The following EGLN3 variants were observed in gnomAD, a reference collection of about 807,000 sequenced individuals.
EGLN3 encodes the protein egl-9 family hypoxia inducible factor 3.
In EGLN3, 15 loss-of-function variants were observed where a neutral mutation model predicts 26.0. The ratio of observed to expected loss-of-function variants is 0.58; its 90% CI spans 0.39 to 0.89. The LOEUF (loss-of-function observed/expected upper bound fraction) is 0.89, where lower values mean the gene tolerates loss of function less well. Ranked by LOEUF, EGLN3 falls within the 40% of genes least tolerant of loss-of-function variation. The pLI is 0.00. For synonymous variants in EGLN3, 147 were observed against 127.2 expected, an observed-to-expected ratio of 1.16 and a Z score of -1.05; for missense variants, 238 against 311.6, an observed-to-expected ratio of 0.76 and a Z score of 1.78.
At chr14:33,944,427 C>T (rs1481511743) in intron 1 of EGLN3, among the ~76,000 whole-genome samples, 2 of 152,128 alleles carry the variant, frequency 1.3e-5, no homozygotes, top group African/African-American at 2.4e-5. Flanking sequence ...GCCACCCTTT[C>T]TCTATTAAAG....
intron 1 of EGLN3, 76 bp downstream of exon 1, chr14:33,950,320 A>G (rs771523777): frequency 1.5e-6 from 2 of 1,341,810 alleles, no homozygotes; most frequent in Admixed American, 3.4e-5. Context: ...GGCCCTGGGA[A>G]GTCGACATAC....
chr14:33,931,818 C>T (rs994014928), intron 1 of EGLN3, among the ~76,000 whole-genome samples: 25 of 152,130 alleles, frequency 1.6e-4, no homozygotes, highest in Non-Finnish European at 3.2e-4. Context: ...CAGGGAGATT[C>T]CTTTCAGGAA....
chr14:33,927,531 G>A (rs1030305004), intron 3 of EGLN3, among the ~76,000 whole-genome samples: 10 of 152,100 alleles, frequency 6.6e-5, no homozygotes, highest in African/African-American at 2.4e-4. Context: ...AAATGCATAA[G>A]GAATTCCAGG....
rs2064558774 is a variant in EGLN3 at position 33,951,042 on chromosome 14, A to T, written c.-290T>A. ...AGGAGTCGGAGGGCGCCTTTTGGGG[A>T]TGGGAAGCCACCACTGCCGCGACTG... On this transcript the variant is annotated 5_prime_UTR_variant, in exon 1 of 5. Transcript: ENST00000250457. The T allele has an allele frequency of 5.3e-6, 2 of 374,328 alleles. No individual in the cohort carries two copies. The highest frequency in any genetic ancestry group is 9.6e-6 in the Non-Finnish European group (2 of 208,750). 23.2% of individuals were successfully genotyped at this position (374,328 alleles called of 1,614,324 possible). A position where few individuals can be genotyped will look rare whatever the true frequency, so the allele number is the denominator to read the frequency against.
In EGLN3 at chr14:33,924,941, T is replaced by TAAAAAAAAAAAA. The variant is rs35754061; in HGVS notation, c.*938_*949dup. On this transcript the variant is annotated 3_prime_UTR_variant, in exon 5 of 5. Coordinates refer to ENST00000250457, the MANE Select transcript of EGLN3 (RefSeq NM_022073.4). The stretch of plus-strand genomic sequence containing the variant: ...GGGTGAGCTCATTAAAAAGGAAAAC[T>TAAAAAAAAAAAA]AAAAAAAAAAAAAAAAAAAAAACAG... 2 of 103,352 alleles carry TAAAAAAAAAAAA rather than the reference T, an allele frequency of 1.9e-5. No homozygotes were observed. The highest frequency in any genetic ancestry group is 3.2e-4 in the East Asian group (1 of 3,124). The allele number at this position is 103,352 out of a possible 1,614,324, so 6.4% of individuals were successfully genotyped here.
chr14:33,942,838 TC>T (rs1176851630), intron 1 of EGLN3, among the ~76,000 whole-genome samples: 1 of 152,210 alleles, frequency 6.6e-6, no homozygotes, highest in African/African-American at 2.4e-5. Flanking sequence ...AACTTGAGAA[TC>T]ATTGTACCTT....
intron 1 of EGLN3, among the ~76,000 whole-genome samples, chr14:33,940,469 G>T (rs2064474649): frequency 6.6e-6 from 1 of 151,914 alleles, no homozygotes; most frequent in Admixed American, 6.5e-5. Context: ...ACTGTAGGAA[G>T]ATACGCCACC....
In EGLN3 at chr14:33,950,815, G is replaced by C. The variant is rs993817484; in HGVS notation, c.-63C>G. ...CAACCAGAGAGGGAACGATCTACACGAGCGCGAAGCCGAGGCGCGGGGAGC... is the reference window on the plus strand; with the variant it reads ...CAACCAGAGAGGGAACGATCTACACCAGCGCGAAGCCGAGGCGCGGGGAGC... On this transcript the variant is annotated 5_prime_UTR_variant, in exon 1 of 5. Coordinates refer to ENST00000250457, the MANE Select transcript of EGLN3 (RefSeq NM_022073.4). 6.9e-6 allele frequency: 10 copies of C among 1,447,510 alleles called. No individual in the cohort carries two copies. Among genetic ancestry groups the C allele is most frequent in the Middle Eastern group, 2.0e-4 (1 of 5,000 alleles). 89.7% of individuals were successfully genotyped at this position (1,447,510 alleles called of 1,614,324 possible).
rs2064555839 is a variant in EGLN3, at chr14:33,950,806, G to A, written c.-54C>T. On this transcript the variant is annotated 5_prime_UTR_variant, in exon 1 of 5. Coordinates refer to ENST00000250457, the MANE Select transcript of EGLN3 (RefSeq NM_022073.4). The stretch of plus-strand genomic sequence containing the variant: ...CCCAGCGTGCAACCAGAGAGGGAAC[G>A]ATCTACACGAGCGCGAAGCCGAGGC... 6.8e-7 allele frequency: 1 copy of A among 1,477,950 alleles called. No homozygotes were observed. The highest frequency in any genetic ancestry group is 9.2e-7 in the Non-Finnish European group (1 of 1,085,430). 91.6% of individuals were successfully genotyped at this position (1,477,950 alleles called of 1,614,324 possible).
At chr14:33,947,673 A>G (rs2064527317) in intron 1 of EGLN3, among the ~76,000 whole-genome samples, 1 of 152,212 alleles carries the variant, frequency 6.6e-6, no homozygotes, top group Non-Finnish European at 1.5e-5. Flanking sequence ...CATATTGGCA[A>G]TTGTTGAAAT....
chr14:33,932,666 C>A (rs1444797781), intron 1 of EGLN3, among the ~76,000 whole-genome samples: 1 of 152,162 alleles, frequency 6.6e-6, no homozygotes, highest in African/African-American at 2.4e-5. Context: ...CCATATCCTG[C>A]CTTTGAACAT....
chr14:33,936,633 T>C (rs1250170419), intron 1 of EGLN3, among the ~76,000 whole-genome samples: 2 of 152,176 alleles, frequency 1.3e-5, no homozygotes, highest in East Asian at 1.9e-4. Flanking sequence ...AGGGGATTAG[T>C]AGCTGGAACA....
At chr14:33,947,341 T>A (rs2064525148) in intron 1 of EGLN3, among the ~76,000 whole-genome samples, 1 of 151,956 alleles carries the variant, frequency 6.6e-6, no homozygotes, top group Admixed American at 6.6e-5. Flanking sequence ...TCCCAAGGGG[T>A]CTTCAACACC....
chr14:33,927,987 G>T (rs1423105484), intron 3 of EGLN3, among the ~76,000 whole-genome samples: 2 of 151,826 alleles, frequency 1.3e-5, no homozygotes, highest in Non-Finnish European at 2.9e-5. Flanking sequence ...ATGATTGTTA[G>T]CTACTTCCGT....
chr14:33,950,488 C>T lies in EGLN3; in HGVS notation c.265G>A (p.Glu89Lys). The stretch of plus-strand genomic sequence containing the variant: ...AGGGACAGGAGGAAGCTGATGGCCT[C>T]GCAGCCCTCCTCGTTGCCCCCGATC... ...TWIGGNEEGCEAISFLLSLID... is the reference protein window; with the variant it reads ...TWIGGNEEGCKAISFLLSLID... Residue 89 changes from glutamate (E) to lysine (K), a missense_variant, in exon 1 of 5, where the codon GAG becomes AAG. Transcript: ENST00000250457. The T allele has an allele frequency of 6.2e-7, 1 of 1,613,674 alleles. No individual in the cohort carries two copies.
Position 33,950,624 on chromosome 14 carries a change from G to A in EGLN3, c.129C>T (p.Val43=). The A allele has an allele frequency of 6.2e-7, 1 of 1,613,882 alleles. No individual in the cohort carries two copies. The highest frequency in any genetic ancestry group is 8.5e-7 in the Non-Finnish European group (1 of 1,179,962). The change falls in exon 1 of 5, where the codon GTC becomes GTT. Residue 43 remains valine, a synonymous_variant. Transcript: ENST00000250457. ...NFLGEVVGDC[V]LERVKQLHCT... ...AGTGCAGCTGCTTGACGCGCTCCAG[G>A]ACGCAGTCGCCCACCACCTCGCCCA...
intron 1 of EGLN3, among the ~76,000 whole-genome samples, chr14:33,943,112 T>C (rs1211527613): frequency 6.6e-6 from 1 of 152,110 alleles, no homozygotes; most frequent in Non-Finnish European, 1.5e-5. Flanking sequence ...TTAAAGTAAA[T>C]GTCATACCGG....
In EGLN3 at chr14:33,925,889, G is replaced by T; in HGVS notation, c.*2C>A. 1 of 1,613,988 alleles carries T rather than the reference G, an allele frequency of 6.2e-7. No individual in the cohort carries two copies. The highest frequency in any genetic ancestry group is 8.5e-7 in the Non-Finnish European group (1 of 1,179,924). ...ACAAGGCCAGCAGATTTCAGAGCACGGTCAGTCTTCAGTGAGGGCAGATTC... is the reference window on the plus strand; with the variant it reads ...ACAAGGCCAGCAGATTTCAGAGCACTGTCAGTCTTCAGTGAGGGCAGATTC... On this transcript the variant is annotated 3_prime_UTR_variant, in exon 5 of 5. Transcript: ENST00000250457.
At chr14:33,929,644 G>A (rs1372297143) in intron 2 of EGLN3, among the ~76,000 whole-genome samples, 2 of 152,064 alleles carry the variant, frequency 1.3e-5, no homozygotes, top group Non-Finnish European at 2.9e-5. Context: ...GAGCCACCAC[G>A]CCCAGCCACT....
Sources: allele counts gnomAD v4.1 joint callset (sites outside exome capture counted in the v4.1 genomes callset), GRCh38; gene constraint gnomAD v4.1.1; transcripts MANE v1.5; gene names NCBI Gene and HGNC (gene_info 2026-07-23, HGNC 2026-07-21).